The following ZNF804A variants were observed in gnomAD, a reference collection of about 807,000 sequenced individuals.
ZNF804A encodes the protein zinc finger protein 804A.
In ZNF804A, 2 loss-of-function variants were observed where a neutral mutation model predicts 16.5. That is an observed-to-expected ratio of 0.12 (90% CI 0.05 to 0.38). ZNF804A has a LOEUF of 0.38. Among genes scored for constraint, ZNF804A ranks in the 10% least tolerant of loss-of-function variants. ZNF804A has a pLI of 0.99. For synonymous variants in ZNF804A, 534 were observed against 489.6 expected (o/e 1.09, Z -1.20); for missense variants, 1,473 against 1,390.7 (o/e 1.06, Z -0.94).
chr2:184,675,484 A>G (rs1001320659), intron 1 of ZNF804A, among the ~76,000 whole-genome samples: 1 of 151,752 alleles, frequency 6.6e-6, no homozygotes, highest in Non-Finnish European at 1.5e-5. Flanking sequence ...TTCTTTTTAA[A>G]TAAACGGTAA....
rs192006615 is a variant in ZNF804A, at chr2:184,774,204, C to T, written c.112-92165C>T. 1.1e-4 allele frequency among the ~76,000 whole-genome samples: 16 copies of T among 151,900 alleles called. No individual in the cohort carries two copies. The East Asian group carries it at 3.1e-3, about 30-fold the overall frequency. On this transcript the variant is annotated intron_variant, in intron 1 of 3. Transcript: ENST00000302277. ...CTATGGCTTTGTTGGTGATGATTAA[C>T]TGCTTTTATTTGCTGTTGAATCGTA...
At chr2:184,791,308 C>T (rs952802452) in intron 1 of ZNF804A, among the ~76,000 whole-genome samples, 4 of 152,076 alleles carry the variant, frequency 2.6e-5, no homozygotes, top group Admixed American at 1.3e-4. Context: ...TGACTATCAG[C>T]CTTTCATTTC....
chr2:184,758,007 C>G (rs753254712), intron 1 of ZNF804A, among the ~76,000 whole-genome samples: 3 of 151,940 alleles, frequency 2.0e-5, no homozygotes, highest in Non-Finnish European at 4.4e-5. Context: ...CTTTCTGTTT[C>G]AAGAATTGCA....
intron 1 of ZNF804A, among the ~76,000 whole-genome samples, chr2:184,630,641 C>A (rs149183662): frequency 1.2e-3 from 181 of 152,258 alleles, no homozygotes; most frequent in Non-Finnish European, 2.2e-3. Context: ...ATCTACTCAT[C>A]TATCACTTAT....
At chr2:184,864,474 T>C (rs979057748) in intron 1 of ZNF804A, among the ~76,000 whole-genome samples, 1 of 152,200 alleles carries the variant, frequency 6.6e-6, no homozygotes, top group African/African-American at 2.4e-5. Flanking sequence ...AGAGTCACCT[T>C]TGTTGTGCAG....
chr2:184,852,295 C>T (rs991065260), intron 1 of ZNF804A, among the ~76,000 whole-genome samples: 2 of 149,874 alleles, frequency 1.3e-5, no homozygotes, highest in Non-Finnish European at 3.0e-5. Flanking sequence ...ACTGCATTCA[C>T]CTATTTTTTG....
At chr2:184,601,088 A>G (rs1191446953) in intron 1 of ZNF804A, among the ~76,000 whole-genome samples, 7 of 152,080 alleles carry the variant, frequency 4.6e-5, no homozygotes, top group Admixed American at 3.9e-4. Context: ...CCAAGTTTGT[A>G]TTTCCTGTGT....
chr2:184,695,929 A>AT (rs1216240890), intron 1 of ZNF804A, among the ~76,000 whole-genome samples: 6 of 152,030 alleles, frequency 3.9e-5, no homozygotes, highest in African/African-American at 7.2e-5. Flanking sequence ...GACTTCTATT[A>AT]TTTTTTCCAG....
At chr2:184,601,745 GT>G (rs1397762691) in intron 1 of ZNF804A, among the ~76,000 whole-genome samples, 1 of 151,250 alleles carries the variant, frequency 6.6e-6, no homozygotes, top group Admixed American at 6.6e-5. Context: ...TATCGCAAAT[GT>G]TTTTTTTCTT....
chr2:184,632,866 C>A (rs1691635779), intron 1 of ZNF804A, among the ~76,000 whole-genome samples: 1 of 152,178 alleles, frequency 6.6e-6, no homozygotes, highest in Admixed American at 6.5e-5. Flanking sequence ...AGAAGGTTAT[C>A]AGTCTAACAT....
At chr2:184,806,270 C>T (rs1056426885) in intron 1 of ZNF804A, among the ~76,000 whole-genome samples, 3 of 151,904 alleles carry the variant, frequency 2.0e-5, no homozygotes, top group Admixed American at 6.6e-5. Flanking sequence ...TACTCTTATA[C>T]ATTCGTAGTC....
intron 1 of ZNF804A, among the ~76,000 whole-genome samples, chr2:184,857,180 A>G (rs1048511226): frequency 2.7e-5 from 4 of 150,810 alleles, no homozygotes; most frequent in African/African-American, 7.3e-5. Context: ...ATTGTCTTTC[A>G]TTTTCATTTG....
chr2:184,713,988 C>A (rs533969605), intron 1 of ZNF804A, among the ~76,000 whole-genome samples: 2 of 151,952 alleles, frequency 1.3e-5, no homozygotes, highest in South Asian at 4.2e-4. Flanking sequence ...ATAGGCTATG[C>A]AATAAGATTT....
intron 1 of ZNF804A, among the ~76,000 whole-genome samples, chr2:184,633,168 A>G (rs1250384828): frequency 6.6e-6 from 1 of 152,156 alleles, no homozygotes; most frequent in Non-Finnish European, 1.5e-5. Context: ...CTGCATTGCT[A>G]TTCCCAACAG....
At chr2:184,654,426 A>T (rs770816977) in intron 1 of ZNF804A, among the ~76,000 whole-genome samples, 38 of 152,176 alleles carry the variant, frequency 2.5e-4, no homozygotes, top group Non-Finnish European at 4.9e-4. Flanking sequence ...CATCCTGACC[A>T]TATTGCTGAT....
chr2:184,726,610 T>C (rs1426583821), intron 1 of ZNF804A, among the ~76,000 whole-genome samples: 1 of 151,634 alleles, frequency 6.6e-6, no homozygotes, highest in Non-Finnish European at 1.5e-5. Flanking sequence ...ATAAATGCAT[T>C]TCACGTATAT....
intron 1 of ZNF804A, among the ~76,000 whole-genome samples, chr2:184,686,275 C>T (rs948052128): frequency 1.3e-5 from 2 of 152,198 alleles, no homozygotes; most frequent in Non-Finnish European, 2.9e-5. Context: ...GCGGGGCTTC[C>T]ACCTTTTCCA....
At chr2:184,914,365 T>A (rs971651548) in intron 2 of ZNF804A, among the ~76,000 whole-genome samples, 9 of 152,130 alleles carry the variant, frequency 5.9e-5, no homozygotes, top group African/African-American at 2.2e-4. Context: ...TAATACATGT[T>A]GTAAGAGGCT....
At chr2:184,814,848 C>G (rs1001258405) in intron 1 of ZNF804A, among the ~76,000 whole-genome samples, 5 of 151,932 alleles carry the variant, frequency 3.3e-5, no homozygotes. Context: ...TTAAGCATTT[C>G]CTTTGTGTAG....
Sources: allele counts gnomAD v4.1 joint callset (sites outside exome capture counted in the v4.1 genomes callset), GRCh38; gene constraint gnomAD v4.1.1; transcripts MANE v1.5; gene names NCBI Gene and HGNC (gene_info 2026-07-23, HGNC 2026-07-21).